Variants in RAE1 observed in about 807,000 individuals in gnomAD.
The protein encoded by RAE1 is ribonucleic acid export 1.
A neutral mutation model predicts 52.7 loss-of-function variants in RAE1; 13 were observed. That is an observed-to-expected ratio of 0.25 (90% CI 0.16 to 0.39). The LOEUF (loss-of-function observed/expected upper bound fraction) is 0.39. Among genes scored for constraint, RAE1 ranks in the 10% least tolerant of loss-of-function variants. The probability of loss-of-function intolerance (pLI) is 1.00; values close to 1 mark genes in which losing one functional copy is unlikely to be tolerated. For missense variants in RAE1, 262 were observed against 459.8 expected (o/e 0.57, Z 3.93); for synonymous variants, 164 against 153.1 (o/e 1.07, Z -0.52).
intron 4 of RAE1, among the ~76,000 whole-genome samples, chr20:57,361,586 C>T (rs2066893243): frequency 6.6e-6 from 1 of 152,100 alleles, no homozygotes; most frequent in Non-Finnish European, 1.5e-5. Flanking sequence ...ATTGTTAAGT[C>T]CTTCAACCAT....
intron 7 of RAE1, among the ~76,000 whole-genome samples, chr20:57,367,322 T>C (rs1003097857): frequency 3.3e-5 from 5 of 152,188 alleles, no homozygotes; most frequent in African/African-American, 7.2e-5. Context: ...TTTGAACATA[T>C]GCAGCTAGCT....
chr20:57,358,357 T>G (rs1368361511), intron 4 of RAE1: 1 of 152,374 alleles, frequency 6.6e-6, no homozygotes, highest in African/African-American at 2.4e-5. Flanking sequence ...AGGAGGAGGT[T>G]AATTACAGGC....
chr20:57,366,699 T>C lies in RAE1; in HGVS notation c.376-108T>C, dbSNP rs2066959298. ...AGTATGTTTTGGTTTTTGTTTGGTATGGCCCCAGTATTTAAATTAGTTTCT... is the reference window on the plus strand; with the variant it reads ...AGTATGTTTTGGTTTTTGTTTGGTACGGCCCCAGTATTTAAATTAGTTTCT... On this transcript the variant is annotated intron_variant, in intron 5 of 11. Transcript: ENST00000395841. The C allele has an allele frequency of 1.2e-5, 13 of 1,085,858 alleles. 1 individual carries two copies. In the South Asian group the frequency reaches 1.7e-4, roughly 14 times the overall value. The allele number at this position is 1,085,858 out of a possible 1,614,324, so 67.3% of individuals were successfully genotyped here. A position where few individuals can be genotyped will look rare whatever the true frequency, so the allele number is the denominator to read the frequency against.
intron 1 of RAE1, 45 bp from the exon 2 acceptor site, chr20:57,353,987 A>G (rs2066748054): frequency 5.3e-6 from 8 of 1,503,314 alleles, no homozygotes; most frequent in South Asian, 2.3e-5. Flanking sequence ...CCTCTCAGTG[A>G]TATTAAGAGA....
At chr20:57,353,934 A>G in intron 1 of RAE1, 98 bp from the exon 2 acceptor site, 1 of 1,084,334 alleles carries the variant, frequency 9.2e-7, no homozygotes, top group Non-Finnish European at 1.4e-6. Context: ...GCCTCAAGCC[A>G]CTTTGAGTAT....
intron 3 of RAE1, among the ~76,000 whole-genome samples, chr20:57,355,238 AAGAC>A (rs1319689853): frequency 1.3e-5 from 2 of 152,100 alleles, no homozygotes; most frequent in Admixed American, 6.5e-5. Flanking sequence ...TACAAAAAGA[AAGAC>A]AAAAAAATTA....
At chr20:57,371,863 G>T (rs1460872800) in intron 8 of RAE1, 2 of 152,190 alleles carry the variant, frequency 1.3e-5, no homozygotes, top group African/African-American at 2.4e-5. Context: ...AGGAAATCCT[G>T]CCATTCGTGA....
chr20:57,375,295 C>T (rs1055201451), intron 11 of RAE1, among the ~76,000 whole-genome samples: 5 of 152,066 alleles, frequency 3.3e-5, no homozygotes, highest in African/African-American at 4.8e-5. Context: ...AACCAGCCTG[C>T]GTGTTTCTCC....
At chr20:57,377,910 A>G (rs768066410) in intron 11 of RAE1, 103 bp from the exon 12 acceptor site, 2 of 747,384 alleles carry the variant, frequency 2.7e-6, no homozygotes, top group South Asian at 2.0e-5. Context: ...GAGAGATTAT[A>G]TGTTTCCAGT....
intron 8 of RAE1, 62 bp from the exon 9 acceptor site, chr20:57,373,413 C>T (rs938913096): frequency 2.7e-6 from 4 of 1,495,128 alleles, no homozygotes; most frequent in Non-Finnish European, 3.7e-6. Flanking sequence ...GACTTACCTT[C>T]ACGTTAGTCA....
chr20:57,378,256 G>A lies in RAE1; in HGVS notation c.*157G>A, dbSNP rs766572170. On this transcript the variant is annotated 3_prime_UTR_variant, in exon 12 of 12. Transcript: ENST00000395841. ...TTGTTCAGCAGCTGAGAGCCCAGGC[G>A]TCCGCGGCGACTTGCCGTCTCTCCA... is the stretch of plus-strand genomic sequence containing the variant. 1.4e-4 allele frequency: 88 copies of A among 607,044 alleles called. No homozygotes were observed. The highest frequency in any genetic ancestry group is 1.4e-4 in the South Asian group (6 of 42,740). 37.6% of individuals were successfully genotyped at this position (607,044 alleles called of 1,614,324 possible).
At chr20:57,376,181 C>G (rs2067111994) in intron 11 of RAE1, among the ~76,000 whole-genome samples, 1 of 152,248 alleles carries the variant, frequency 6.6e-6, no homozygotes. Flanking sequence ...CCCTCCAGGC[C>G]TGCTGCTGCT....
At position 57,354,037 on chromosome 20, in the gene RAE1, A is replaced by G; in HGVS notation, c.-2A>G. On this transcript the variant is annotated 5_prime_UTR_variant, in exon 2 of 12. Coordinates refer to ENST00000395841, the MANE Select transcript of RAE1 (RefSeq NM_003610.4). ...CATTTTTCATTACTTTTTAGGTTCA[A>G]AATGAGCCTGTTTGGAACAACCTCA... is the stretch of plus-strand genomic sequence containing the variant. 1 of 1,613,214 alleles carries G rather than the reference A, an allele frequency of 6.2e-7. No homozygotes were observed.
chr20:57,352,870 G>C (rs1382511923), intron 1 of RAE1, among the ~76,000 whole-genome samples: 1 of 152,202 alleles, frequency 6.6e-6, no homozygotes, highest in Non-Finnish European at 1.5e-5. Flanking sequence ...CGTTCATACA[G>C]CCAACTGGTG....
At chr20:57,367,234 G>A (rs569509924) in intron 7 of RAE1, among the ~76,000 whole-genome samples, 155 bp downstream of exon 7, 3 of 152,242 alleles carry the variant, frequency 2.0e-5, no homozygotes, top group East Asian at 1.9e-4. Flanking sequence ...TGCCTCAGTC[G>A]TCTCCAATTG....
intron 4 of RAE1, among the ~76,000 whole-genome samples, chr20:57,360,640 G>A (rs986016736): frequency 1.3e-5 from 2 of 152,172 alleles, no homozygotes; most frequent in South Asian, 4.1e-4. Flanking sequence ...AGCTACTTTC[G>A]TAGTATGTTT....
intron 8 of RAE1, chr20:57,371,256 A>G (rs1171633093): frequency 6.6e-6 from 1 of 150,730 alleles, no homozygotes; most frequent in Non-Finnish European, 1.5e-5. Flanking sequence ...AGCAGAGGGA[A>G]CCATGGAAAA....
intron 4 of RAE1, chr20:57,358,966 T>C (rs376497571): frequency 6.8e-7 from 1 of 1,465,280 alleles, no homozygotes; most frequent in Non-Finnish European, 9.0e-7. Context: ...CTTATTTGTT[T>C]ATATCCGCCT....
intron 1 of RAE1, chr20:57,352,045 T>C (rs2146120957): frequency 1.1e-6 from 1 of 914,952 alleles, no homozygotes; most frequent in East Asian, 1.2e-4. Flanking sequence ...GGGAAGAGAT[T>C]TTGAGTGTAA....
Sources: gnomAD v4.1 joint callset for allele counts (sites outside exome capture counted in the v4.1 genomes callset) on GRCh38, gnomAD v4.1.1 for gene constraint, MANE v1.5 for transcripts, NCBI Gene and HGNC (gene_info 2026-07-23, HGNC 2026-07-21) for gene names.